LDLRAD3: variants seen among roughly 807,000 people sequenced by gnomAD.
The protein encoded by LDLRAD3 is low-density lipoprotein receptor class A domain-containing protein 3.
A neutral mutation model predicts 29.4 loss-of-function variants in LDLRAD3; 20 were observed. The ratio of observed to expected loss-of-function variants is 0.68; its 90% CI spans 0.48 to 0.99. LDLRAD3 has a LOEUF of 0.99. LDLRAD3 is among the 50% of genes least tolerant of loss of function. The pLI is 0.00. For missense variants in LDLRAD3, 420 were observed against 454.3 expected, an observed-to-expected ratio of 0.92 and a Z score of 0.69; for synonymous variants, 157 against 192.7, an observed-to-expected ratio of 0.81 and a Z score of 1.53.
In LDLRAD3 at chr11:36,145,222, A is replaced by C. The variant is rs868227586; in HGVS notation, c.454+46761A>C. On this transcript the variant is annotated intron_variant, in intron 4 of 5. Transcript: ENST00000315571. Reference sequence around the variant, plus strand: ...AGGGAGGTGGGGGGGTCAGCCCCCCACCCGCCAGCCGCCCCGTCCGGGAGG... The same window carrying C: ...AGGGAGGTGGGGGGGTCAGCCCCCCCCCCGCCAGCCGCCCCGTCCGGGAGG... Among the ~76,000 whole-genome samples the C allele has an allele frequency of 9.3e-4, 4 of 4,294 alleles. 1 individual carries two copies. The highest frequency in any genetic ancestry group is 4.3e-3 in the Admixed American group (2 of 470). 2.8% of individuals were successfully genotyped at this position (4,294 alleles called of 152,430 possible).
intron 4 of LDLRAD3, among the ~76,000 whole-genome samples, chr11:36,122,326 A>G (rs1191404535): frequency 1.3e-5 from 2 of 152,106 alleles, no homozygotes; most frequent in Non-Finnish European, 2.9e-5. Context: ...GGCTCAGTGC[A>G]GGGGGAGAAG....
chr11:35,997,399 C>A (rs961274730), intron 1 of LDLRAD3: 10 of 428,252 alleles, frequency 2.3e-5, no homozygotes, highest in African/African-American at 1.6e-4. Flanking sequence ...TTTTCTGTTT[C>A]TTTCCATCTC....
rs1342859529 is a variant in LDLRAD3 at position 36,213,106 on chromosome 11, A to C, written c.455-13979A>C. 1.3e-3 allele frequency among the ~76,000 whole-genome samples: 88 copies of C among 66,122 alleles called. No homozygotes were observed. Among genetic ancestry groups the C allele is most frequent in the Admixed American group, 2.7e-3 (12 of 4,528 alleles). The allele number at this position is 66,122 out of a possible 152,430, so 43.4% of individuals were successfully genotyped here. A position where few individuals can be genotyped will look rare whatever the true frequency, so the allele number is the denominator to read the frequency against. ...CTCTCTCCCTCCCTGTTCCTCTTCC[A>C]CTCCCCCTCCCCTTGCTTTCCCTCC... On this transcript the variant is annotated intron_variant, in intron 4 of 5. Coordinates refer to ENST00000315571, the MANE Select transcript of LDLRAD3 (RefSeq NM_174902.4). The surrounding 1 kb of genome is among the most constrained non-coding windows in gnomAD (Gnocchi z 4.1).
intron 2 of LDLRAD3, among the ~76,000 whole-genome samples, chr11:36,070,317 CT>C (rs34362294): frequency 2.6e-5 from 4 of 152,140 alleles, no homozygotes; most frequent in African/African-American, 9.7e-5. Context: ...TAAAAAGGGC[CT>C]TTTTGCTTGA....
At chr11:36,036,930 T>C (rs1852312418) in intron 2 of LDLRAD3, among the ~76,000 whole-genome samples, 1 of 152,120 alleles carries the variant, frequency 6.6e-6, no homozygotes, top group Non-Finnish European at 1.5e-5. Flanking sequence ...GGGTTGATGA[T>C]CATCTACGAG....
chr11:36,191,254 A>G (rs959886893), intron 4 of LDLRAD3, among the ~76,000 whole-genome samples: 1 of 152,154 alleles, frequency 6.6e-6, no homozygotes, highest in Non-Finnish European at 1.5e-5. Flanking sequence ...TGATAGGCCA[A>G]GTAGTATGGT....
intron 2 of LDLRAD3, among the ~76,000 whole-genome samples, chr11:36,068,559 C>T (rs1852835999): frequency 6.6e-6 from 1 of 152,182 alleles, no homozygotes; most frequent in South Asian, 2.1e-4. Context: ...CTCTGTCACC[C>T]AGGCTGGAGT....
intron 1 of LDLRAD3, among the ~76,000 whole-genome samples, chr11:35,973,145 AGTTTTGTTTTGTTTT>A (rs71457394): frequency 1.3e-5 from 2 of 149,512 alleles, no homozygotes; most frequent in Admixed American, 6.6e-5. Flanking sequence ...GAGGCACCTC[AGTTTTGTTTTGTTTT>A]GTTTTGTTTT....
chr11:35,950,821 T>C lies in LDLRAD3; in HGVS notation c.46+6677T>C, dbSNP rs112001777. ...CACGGGGGCCAGGAGCAGTGACTCA[T>C]GCCTGTAATCCCAGCACTTTGGGGG... On this transcript the variant is annotated intron_variant, in intron 1 of 5. Transcript: ENST00000315571. 4.7e-3 allele frequency among the ~76,000 whole-genome samples: 717 copies of C among 152,298 alleles called. 5 individuals are homozygous for C. Among genetic ancestry groups the C allele is most frequent in the Admixed American group, 7.1e-3 (108 of 15,298 alleles).
At chr11:36,207,450 G>A (rs1200912916) in intron 4 of LDLRAD3, among the ~76,000 whole-genome samples, 6 of 152,150 alleles carry the variant, frequency 3.9e-5, no homozygotes, top group Non-Finnish European at 8.8e-5. Flanking sequence ...GGGAGTTCAA[G>A]ATCAGCCTGG....
chr11:36,098,463 T>C lies in LDLRAD3; in HGVS notation c.454+2T>C. 1.2e-6 allele frequency: 2 copies of C among 1,614,178 alleles called. No homozygotes were observed. Among genetic ancestry groups the C allele is most frequent in the Non-Finnish European group, 1.7e-6 (2 of 1,180,014 alleles). Reference sequence around the variant, plus strand: ...AGGAAAGCTGTGAAAGTTCTCAAGGTAGGAACCTCTCAAGCTCTAAAAAGA... The same window carrying C: ...AGGAAAGCTGTGAAAGTTCTCAAGGCAGGAACCTCTCAAGCTCTAAAAAGA... On this transcript the variant is annotated splice_donor_variant, in intron 4 of 5. Coordinates refer to ENST00000315571, the MANE Select transcript of LDLRAD3 (RefSeq NM_174902.4). LOFTEE classifies it high-confidence loss of function.
chr11:36,054,454 G>T (rs142865121), intron 2 of LDLRAD3, among the ~76,000 whole-genome samples: 2,391 of 152,318 alleles, frequency 0.016, 31 homozygotes, highest in Non-Finnish European at 0.024. Context: ...TAGAAGAGCA[G>T]CTCTTCTTGA....
Position 36,183,005 on chromosome 11 carries a change from C to G in LDLRAD3, c.455-44080C>G, listed in dbSNP as rs573948863. ...CAAGGAATTTAAAGGGATGAGGAAA[C>G]AAGAAGGGGGCCTATCCAGTTGGGA... is the stretch of plus-strand genomic sequence containing the variant. On this transcript the variant is annotated intron_variant, in intron 4 of 5. Transcript: ENST00000315571. Among the ~76,000 whole-genome samples the G allele has an allele frequency of 6.6e-5, 10 of 152,322 alleles. No homozygotes were observed. In the South Asian group the frequency reaches 8.3e-4, roughly 13 times the overall value.
intron 1 of LDLRAD3, among the ~76,000 whole-genome samples, chr11:35,974,749 C>A (rs951803990): frequency 6.6e-6 from 1 of 152,172 alleles, no homozygotes; most frequent in African/African-American, 2.4e-5. Context: ...ATGATGGGAG[C>A]TGCAATACAC....
intron 2 of LDLRAD3, among the ~76,000 whole-genome samples, chr11:36,073,516 C>T (rs1374972271): frequency 1.3e-5 from 2 of 152,248 alleles, no homozygotes; most frequent in Non-Finnish European, 2.9e-5. Context: ...TTGCCCAGGA[C>T]CCCCCTTCCC....
At chr11:36,150,609 G>T (rs1029769844) in intron 4 of LDLRAD3, among the ~76,000 whole-genome samples, 4 of 151,966 alleles carry the variant, frequency 2.6e-5, no homozygotes, top group African/African-American at 9.7e-5. Flanking sequence ...AAAAAAATTA[G>T]CCGGGCGTGG....
chr11:35,949,738 G>T (rs188644905), intron 1 of LDLRAD3, among the ~76,000 whole-genome samples: 11 of 151,552 alleles, frequency 7.3e-5, no homozygotes, highest in Admixed American at 4.6e-4. Context: ...CTTAAGAATT[G>T]TGCTTCCACC....
At chr11:36,092,390 G>T (rs919462830) in intron 3 of LDLRAD3, among the ~76,000 whole-genome samples, 2 of 152,124 alleles carry the variant, frequency 1.3e-5, no homozygotes, top group African/African-American at 4.8e-5. Context: ...TCAAGTCAGG[G>T]TATTCAGCTG....
At chr11:36,154,344 T>C (rs1168699082) in intron 4 of LDLRAD3, among the ~76,000 whole-genome samples, 1 of 152,178 alleles carries the variant, frequency 6.6e-6, no homozygotes, top group Admixed American at 6.5e-5. Flanking sequence ...CCACTGTTAG[T>C]GTCCAAGAGA....
Sources: gnomAD v4.1 joint callset for allele counts (sites outside exome capture counted in the v4.1 genomes callset) on GRCh38, gnomAD v4.1.1 for gene constraint, Gnocchi (gnomAD v3.1) non-coding constraint, MANE v1.5 for transcripts, NCBI Gene and HGNC (gene_info 2026-07-23, HGNC 2026-07-21) for gene names.